Variants in DDX6 observed in about 807,000 individuals in gnomAD.
The protein encoded by DDX6 is DEAD-box helicase 6, also known as probable ATP-dependent RNA helicase DDX6.
In DDX6, 7 loss-of-function variants were observed where a neutral mutation model predicts 60.6. The observed-to-expected ratio is 0.12, with a 90% CI of 0.07 to 0.22. The LOEUF (loss-of-function observed/expected upper bound fraction) is 0.22. DDX6 is among the 10% of genes least tolerant of loss of function. DDX6 has a pLI of 1.00. For missense variants in DDX6, 270 were observed against 589.9 expected (o/e 0.46, Z 5.62); for synonymous variants, 207 against 201.0 (o/e 1.03, Z -0.25).
At chr11:118,755,950 G>A (rs1207430930) in intron 11 of DDX6, among the ~76,000 whole-genome samples, 1 of 151,682 alleles carries the variant, frequency 6.6e-6, no homozygotes, top group Non-Finnish European at 1.5e-5. Flanking sequence ...CCCAGGAGGT[G>A]GAGGTTTCAG....
intron 4 of DDX6, among the ~76,000 whole-genome samples, chr11:118,773,501 G>A (rs1428607797): frequency 6.6e-6 from 1 of 152,164 alleles, no homozygotes; most frequent in Non-Finnish European, 1.5e-5. Context: ...GAACCCAGGA[G>A]GCAGAACTTG....
intron 4 of DDX6, among the ~76,000 whole-genome samples, chr11:118,776,641 T>C (rs906222035): frequency 6.6e-6 from 1 of 152,096 alleles, no homozygotes. Context: ...GAGACCATCC[T>C]GGCTAACATG....
chr11:118,779,828 T>C, intron 3 of DDX6, 92 bp from the exon 4 acceptor site: 1 of 962,766 alleles, frequency 1.0e-6, no homozygotes, highest in Non-Finnish European at 1.6e-6. Context: ...TAAGAAAATT[T>C]ATCTGGGCCA....
intron 2 of DDX6, among the ~76,000 whole-genome samples, chr11:118,781,502 T>C (rs1366848773): frequency 6.6e-6 from 1 of 152,190 alleles, no homozygotes; most frequent in Non-Finnish European, 1.5e-5. Flanking sequence ...AAATTAGTTC[T>C]CAACATTTAA....
rs17092774 is a variant in DDX6, at chr11:118,765,182, C to T, written c.646+27G>A. 8.8e-3 allele frequency: 14,186 copies of T among 1,609,830 alleles called. 1,057 individuals are homozygous for T. In the African/African-American group the frequency reaches 0.17, roughly 19 times the overall value. On this transcript the variant is annotated intron_variant, in intron 6 of 13. Coordinates refer to ENST00000534980, the MANE Select transcript of DDX6 (RefSeq NM_004397.6). ...TTGTGACTAAAATAACAGAGAGCTA[C>T]ACTACCTTTTAGTAATCATTTCTTA...
chr11:118,785,836 G>GT (rs1253845850), intron 2 of DDX6: 1 of 416,430 alleles, frequency 2.4e-6, no homozygotes, highest in Non-Finnish European at 4.2e-6. Flanking sequence ...AAATTTGTGT[G>GT]TATCATCTGA....
chr11:118,767,448 C>A (rs929264213), intron 5 of DDX6, among the ~76,000 whole-genome samples: 12 of 152,078 alleles, frequency 7.9e-5, no homozygotes, highest in African/African-American at 2.9e-4. Flanking sequence ...TTGAATATAA[C>A]TATGAAAATT....
chr11:118,769,098 C>T (rs1861450876), intron 4 of DDX6, among the ~76,000 whole-genome samples: 1 of 150,422 alleles, frequency 6.6e-6, no homozygotes, highest in Admixed American at 6.7e-5. Context: ...TTGAGAACAG[C>T]TTAGGCAAAA....
At chr11:118,777,541 T>G (rs918490136) in intron 4 of DDX6, among the ~76,000 whole-genome samples, 14 of 152,286 alleles carry the variant, frequency 9.2e-5, no homozygotes, top group Non-Finnish European at 1.5e-4. Context: ...GATCCTTGGA[T>G]GCCAATGCTG....
intron 4 of DDX6, among the ~76,000 whole-genome samples, chr11:118,769,073 C>G (rs1555161886): frequency 2.7e-5 from 4 of 145,468 alleles, no homozygotes; most frequent in Non-Finnish European, 6.0e-5. Context: ...AAAACGATCA[C>G]TTGAGCCCAG....
rs749884642 is a variant in DDX6, at chr11:118,786,014, C to A, written c.200+38G>T. ...ACCAAAGTAACACAAATCTTGGTTC[C>A]CCACAAGTGTTTATTAATAATTTAC... On this transcript the variant is annotated intron_variant, in intron 2 of 13. Transcript: ENST00000534980. 2.5e-6 allele frequency: 4 copies of A among 1,576,020 alleles called. No homozygotes were observed. In the Admixed American group the frequency reaches 5.2e-5, roughly 21 times the overall value.
rs1862066817 is a variant in DDX6, at chr11:118,786,145, G to A, written c.107C>T (p.Thr36Ile). Residue 36 changes from threonine (T) to isoleucine (I), a missense_variant, in exon 2 of 14, where the codon ACA becomes ATA. Coordinates refer to ENST00000534980, the MANE Select transcript of DDX6 (RefSeq NM_004397.6). The part of the protein sequence containing the change: ...KPTGGPGGGG[T>I]QTQQQMNQLK... Reference sequence around the variant, plus strand: ...CTGGTTCATCTGTTGCTGTGTCTGTGTGCCCCCTCCTCCAGGGCCACCAGT... The same window carrying A: ...CTGGTTCATCTGTTGCTGTGTCTGTATGCCCCCTCCTCCAGGGCCACCAGT... 4 of 1,613,912 alleles carry A rather than the reference G, an allele frequency of 2.5e-6. No individual in the cohort carries two copies. Among genetic ancestry groups the A allele is most frequent in the Non-Finnish European group, 3.4e-6 (4 of 1,179,886 alleles).
intron 1 of DDX6, among the ~76,000 whole-genome samples, chr11:118,790,547 G>C (rs905458448): frequency 2.0e-5 from 3 of 151,990 alleles, no homozygotes; most frequent in Non-Finnish European, 1.5e-5. Context: ...GCCCCCTATA[G>C]GGCCGCCTCG....
rs1555156225 is a variant in DDX6 at position 118,748,025 on chromosome 11, G to A, written c.*4080C>T. On this transcript the variant is annotated 3_prime_UTR_variant, in exon 14 of 14. Transcript: ENST00000534980. ...CAGTGGAACTGGTCCCTTGTGGCTA[G>A]GGACATTGGAATTCTCTACCATTTT... 1.3e-5 allele frequency: 2 copies of A among 151,420 alleles called. No individual in the cohort carries two copies. The highest frequency in any genetic ancestry group is 4.9e-5 in the African/African-American group (2 of 41,132). The allele number at this position is 151,420 out of a possible 1,614,324, so 9.4% of individuals were successfully genotyped here.
intron 13 of DDX6, among the ~76,000 whole-genome samples, chr11:118,752,848 G>C (rs1189656421): frequency 6.6e-6 from 1 of 152,102 alleles, no homozygotes; most frequent in African/African-American, 2.4e-5. Flanking sequence ...CAGCACTCTG[G>C]GAAGCCAAAG....
chr11:118,752,967 C>CA (rs1860828932), intron 13 of DDX6, among the ~76,000 whole-genome samples: 1 of 151,964 alleles, frequency 6.6e-6, no homozygotes, highest in South Asian at 2.1e-4. Context: ...TCCAGGAAAT[C>CA]AGAGTGGGTA....
At chr11:118,770,768 G>C (rs1042546966) in intron 4 of DDX6, among the ~76,000 whole-genome samples, 5 of 151,862 alleles carry the variant, frequency 3.3e-5, no homozygotes, top group Admixed American at 6.6e-5. Context: ...TGTAGTCCCA[G>C]CTACTTGGGA....
intron 7 of DDX6, among the ~76,000 whole-genome samples, chr11:118,762,518 GC>G (rs1357147953): frequency 2.6e-5 from 4 of 151,766 alleles, no homozygotes; most frequent in African/African-American, 9.7e-5. Flanking sequence ...CACCTGCAAC[GC>G]CGTATACTGT....
At chr11:118,755,744 G>A (rs1415854871) in intron 11 of DDX6, among the ~76,000 whole-genome samples, 4 of 151,624 alleles carry the variant, frequency 2.6e-5, no homozygotes, top group African/African-American at 4.8e-5. Flanking sequence ...GAGGCTGGGT[G>A]CACTCAAGCC....
Sources: allele counts gnomAD v4.1 joint callset (sites outside exome capture counted in the v4.1 genomes callset), GRCh38; gene constraint gnomAD v4.1.1; transcripts MANE v1.5; gene names NCBI Gene and HGNC (gene_info 2026-07-23, HGNC 2026-07-21).